Variants in ASTN2 observed in about 807,000 individuals in gnomAD.
ASTN2 encodes astrotactin-2.
ASTN2 carries 54 observed loss-of-function variants against 139.8 expected under a neutral mutation model. The ratio of observed to expected loss-of-function variants is 0.39; its 90% CI spans 0.31 to 0.48. ASTN2 has a LOEUF of 0.48. ASTN2 is among the 20% of genes least tolerant of loss of function. ASTN2 has a pLI of 0.95. For synonymous variants in ASTN2, 756 were observed against 719.5 expected (o/e 1.05, Z -0.81); for missense variants, 1,565 against 1,725.1 (o/e 0.91, Z 1.64).
At chr9:116,905,940 C>A (rs771816961) in intron 10 of ASTN2, among the ~76,000 whole-genome samples, 1 of 150,798 alleles carries the variant, frequency 6.6e-6, no homozygotes, top group Non-Finnish European at 1.5e-5. Context: ...GTGGAAAATG[C>A]TTTCTCTGTC....
intron 13 of ASTN2, among the ~76,000 whole-genome samples, chr9:116,794,223 C>T (rs949439880): frequency 7.9e-5 from 12 of 151,572 alleles, no homozygotes; most frequent in African/African-American, 2.4e-4. Context: ...TCAGCCTTCC[C>T]GAGTAGCTGG....
At chr9:116,938,306 G>A (rs1375333935) in intron 10 of ASTN2, among the ~76,000 whole-genome samples, 1 of 152,108 alleles carries the variant, frequency 6.6e-6, no homozygotes, top group African/African-American at 2.4e-5. Flanking sequence ...TGGGAAAACT[G>A]AGACCCTGAA....
At chr9:117,360,875 T>C (rs1033515865) in intron 1 of ASTN2, among the ~76,000 whole-genome samples, 1 of 152,230 alleles carries the variant, frequency 6.6e-6, no homozygotes, top group African/African-American at 2.4e-5. Flanking sequence ...TTAGCATTTT[T>C]CTGGATCCCT....
chr9:116,771,432 C>A (rs1461804504), intron 13 of ASTN2, among the ~76,000 whole-genome samples: 2 of 150,722 alleles, frequency 1.3e-5, no homozygotes, highest in Admixed American at 6.6e-5. Flanking sequence ...GGTAGTTATT[C>A]TTATAACATG....
rs111887390 is a variant in ASTN2 at position 117,260,289 on chromosome 9, G to A, written c.630+31037C>T. Among the ~76,000 whole-genome samples the A allele has an allele frequency of 2.8e-3, 422 of 152,316 alleles. 3 individuals carry two copies. The highest frequency in any genetic ancestry group is 9.5e-3 in the African/African-American group (393 of 41,578). ...CTTTGAGCAATCTGTCATGTGAACA[G>A]AGGGCAAAAGGGTTATTATTAATTA... is the stretch of plus-strand genomic sequence containing the variant. On this transcript the variant is annotated intron_variant, in intron 2 of 22. Transcript: ENST00000313400.
At chr9:117,274,104 A>G (rs775205436) in intron 2 of ASTN2, among the ~76,000 whole-genome samples, 2 of 152,086 alleles carry the variant, frequency 1.3e-5, no homozygotes, top group Non-Finnish European at 2.9e-5. Context: ...TAATCCCAGC[A>G]CTTTGGGAGG....
At chr9:116,496,266 T>C (rs1211920681) in intron 19 of ASTN2, among the ~76,000 whole-genome samples, 1 of 152,102 alleles carries the variant, frequency 6.6e-6, no homozygotes, top group African/African-American at 2.4e-5. Context: ...ACACAGTAGG[T>C]TTTCCATAAA....
At chr9:116,683,856 A>G (rs1320311666) in intron 16 of ASTN2, among the ~76,000 whole-genome samples, 1 of 152,218 alleles carries the variant, frequency 6.6e-6, no homozygotes, top group Non-Finnish European at 1.5e-5. Flanking sequence ...AACAGGACAC[A>G]ACTGGAGAAA....
At chr9:116,607,587 G>T (rs1485880331) in intron 19 of ASTN2, among the ~76,000 whole-genome samples, 1 of 151,170 alleles carries the variant, frequency 6.6e-6, no homozygotes, top group Non-Finnish European at 1.5e-5. Context: ...AAATAAAGAA[G>T]AATCTTGGAT....
chr9:116,634,716 G>T (rs539378123), intron 17 of ASTN2, among the ~76,000 whole-genome samples: 22 of 151,288 alleles, frequency 1.5e-4, no homozygotes, highest in Non-Finnish European at 3.1e-4. Flanking sequence ...TTTATTCTTT[G>T]TAATATTTTC....
At chr9:117,377,813 T>C (rs1468064620) in intron 1 of ASTN2, among the ~76,000 whole-genome samples, 5 of 152,114 alleles carry the variant, frequency 3.3e-5, no homozygotes, top group African/African-American at 9.7e-5. Context: ...AGATTTCCAA[T>C]CATTTTAAAG....
At chr9:117,016,696 T>C (rs1338063077) in intron 6 of ASTN2, among the ~76,000 whole-genome samples, 1 of 144,712 alleles carries the variant, frequency 6.9e-6, no homozygotes, top group African/African-American at 2.6e-5. Context: ...TATATATATA[T>C]GTTACATATA....
At chr9:117,361,714 A>C (rs1376667436) in intron 1 of ASTN2, among the ~76,000 whole-genome samples, 3 of 152,154 alleles carry the variant, frequency 2.0e-5, no homozygotes, top group Non-Finnish European at 4.4e-5. Context: ...AAAGCATATG[A>C]GCATTGGAAT....
chr9:116,625,337 G>A (rs560111144), intron 17 of ASTN2, among the ~76,000 whole-genome samples: 2 of 152,304 alleles, frequency 1.3e-5, no homozygotes, highest in South Asian at 4.1e-4. Context: ...GGGAGGCTGA[G>A]GAAGGAGAAT....
At chr9:117,146,231 C>G (rs1239214909) in intron 3 of ASTN2, among the ~76,000 whole-genome samples, 2 of 152,122 alleles carry the variant, frequency 1.3e-5, no homozygotes, top group Middle Eastern at 3.2e-3. Context: ...CTCTGACTCC[C>G]CAGAGCGGCA....
chr9:117,105,822 T>C (rs115912785), intron 4 of ASTN2, among the ~76,000 whole-genome samples: 28 of 152,292 alleles, frequency 1.8e-4, no homozygotes, highest in African/African-American at 5.8e-4. Context: ...CTCACAGATA[T>C]TGCATAACAG....
chr9:117,278,586 G>T (rs1233332204), intron 2 of ASTN2, among the ~76,000 whole-genome samples: 2 of 152,176 alleles, frequency 1.3e-5, no homozygotes, highest in African/African-American at 2.4e-5. Flanking sequence ...TGGAGAAGGT[G>T]GCAGGCAGTA....
intron 13 of ASTN2, among the ~76,000 whole-genome samples, chr9:116,790,778 G>A (rs765208981): frequency 1.3e-5 from 2 of 150,778 alleles, no homozygotes; most frequent in Admixed American, 6.7e-5. Flanking sequence ...AGGTTCAAGC[G>A]ATTCTCCTGC....
intron 20 of ASTN2, among the ~76,000 whole-genome samples, chr9:116,449,776 A>G (rs1159370146): frequency 1.3e-5 from 2 of 152,120 alleles, no homozygotes; most frequent in Non-Finnish European, 2.9e-5. Context: ...AAGAAATTTG[A>G]GTGCCCTGAG....
Sources: gnomAD v4.1 joint callset for allele counts (sites outside exome capture counted in the v4.1 genomes callset) on GRCh38, gnomAD v4.1.1 for gene constraint, MANE v1.5 for transcripts, NCBI Gene and HGNC (gene_info 2026-07-23, HGNC 2026-07-21) for gene names.